TBATA: variants seen among roughly 807,000 people sequenced by gnomAD.
TBATA encodes the protein protein TBATA.
Under a neutral mutation model 38.7 loss-of-function variants are expected in TBATA, and 47 were observed. The observed-to-expected ratio is 1.21, with a 90% CI of 0.96 to 1.55. The LOEUF is 1.55. Among genes scored for constraint, TBATA ranks in the 40% most tolerant of loss-of-function variants. The pLI is 0.00. For synonymous variants in TBATA, 183 were observed against 170.5 expected, an observed-to-expected ratio of 1.07 and a Z score of -0.57; for missense variants, 436 against 435.6, an observed-to-expected ratio of 1.00 and a Z score of -0.01.
intron 2 of TBATA, among the ~76,000 whole-genome samples, chr10:70,784,417 C>T (rs902554465): frequency 2.6e-5 from 4 of 151,974 alleles, no homozygotes; most frequent in Non-Finnish European, 4.4e-5. Flanking sequence ...AATCTATGGA[C>T]CTGAATATAT....
At chr10:70,782,696 C>G (rs1844404833) in intron 3 of TBATA, 1 of 958,168 alleles carries the variant, frequency 1.0e-6, no homozygotes, top group African/African-American at 1.8e-5. Flanking sequence ...TGGGTCCTCT[C>G]TCCTCTACCC....
In TBATA at chr10:70,783,193, G is replaced by T. The variant is rs1844474231; in HGVS notation, c.41+146C>A. 6.7e-6 allele frequency: 6 copies of T among 890,508 alleles called. No individual in the cohort carries two copies. The East Asian group carries it at 1.1e-4, about 16-fold the overall frequency. 55.2% of individuals were successfully genotyped at this position (890,508 alleles called of 1,614,324 possible). ...CTTGAGCCTGAGGACCCATTGGGGG[G>T]TCTGGCTGACCGGCAGCAGAAGTCC... On this transcript the variant is annotated intron_variant, in intron 3 of 10. Coordinates refer to ENST00000456372, the MANE Select transcript of TBATA (RefSeq NM_001318241.2).
At chr10:70,779,413 G>A (rs150698898) in intron 5 of TBATA, among the ~76,000 whole-genome samples, 180 bp downstream of exon 5, 2 of 152,362 alleles carry the variant, frequency 1.3e-5, no homozygotes, top group East Asian at 3.9e-4. Context: ...GACTTGCTGG[G>A]TGGGGAGTAA....
In TBATA at chr10:70,779,715, A is replaced by G; in HGVS notation, c.305T>C (p.Val102Ala). 1 of 1,537,002 alleles carries G rather than the reference A, an allele frequency of 6.5e-7. No individual in the cohort carries two copies. Among genetic ancestry groups the G allele is most frequent in the Non-Finnish European group, 8.7e-7 (1 of 1,151,318 alleles). ...AGGCAAGGGGGCTGGAAAATCCCTGACGACACAGACAGGCTTCCCGGTGAG... is the reference window on the plus strand; with the variant it reads ...AGGCAAGGGGGCTGGAAAATCCCTGGCGACACAGACAGGCTTCCCGGTGAG... ...QDLTGKPVCV[V>A]RDFPAPLPES... The change falls in exon 5 of 11, where the codon GTC (valine) becomes GCC (alanine). Residue 102 changes from valine (V) to alanine (A), a missense_variant. By Grantham distance (64) the Val-to-Ala change is moderately conservative. Transcript: ENST00000456372.
At chr10:70,777,888 A>G in intron 6 of TBATA, 1 of 422,900 alleles carries the variant, frequency 2.4e-6, no homozygotes, top group Non-Finnish European at 4.7e-6. Flanking sequence ...AAGAAAACAG[A>G]GACCCAGACA....
chr10:70,783,701 G>A (rs1172700941), intron 2 of TBATA, among the ~76,000 whole-genome samples, 176 bp from the exon 3 acceptor site: 1 of 152,206 alleles, frequency 6.6e-6, no homozygotes, highest in African/African-American at 2.4e-5. Context: ...CAACCCAAAT[G>A]TCTGATGGCA....
intron 3 of TBATA, among the ~76,000 whole-genome samples, chr10:70,782,980 A>G (rs896698685): frequency 6.6e-6 from 1 of 152,220 alleles, no homozygotes; most frequent in African/African-American, 2.4e-5. Context: ...TTCGCCTCTA[A>G]GGGATCTGGG....
chr10:70,772,716 C>T (rs777149828), intron 9 of TBATA, 150 bp from the exon 10 acceptor site: 3 of 824,648 alleles, frequency 3.6e-6, no homozygotes, highest in South Asian at 1.5e-5. Flanking sequence ...TCCTGGAGGG[C>T]CAGAAAACAT....
At chr10:70,775,757 G>T (rs1256383312) in intron 7 of TBATA, among the ~76,000 whole-genome samples, 1 of 152,194 alleles carries the variant, frequency 6.6e-6, no homozygotes, top group Non-Finnish European at 1.5e-5. Flanking sequence ...TACCCTAAAA[G>T]TCCCAGAGTC....
At chr10:70,782,078 T>C (rs1167042644) in intron 3 of TBATA, 42 bp from the exon 4 acceptor site, 1 of 1,592,396 alleles carries the variant, frequency 6.3e-7, no homozygotes, top group Non-Finnish European at 8.6e-7. Flanking sequence ...GAGTCTCCTC[T>C]GGCAGTGGGC....
At chr10:70,782,244 T>A in intron 3 of TBATA, 1 of 1,425,346 alleles carries the variant, frequency 7.0e-7, no homozygotes, top group South Asian at 1.2e-5. Context: ...CTGGTTAGTC[T>A]TCCTTATCAG....
intron 9 of TBATA, 97 bp from the exon 10 acceptor site, chr10:70,772,663 G>T: frequency 7.8e-7 from 1 of 1,287,196 alleles, no homozygotes; most frequent in Non-Finnish European, 1.1e-6. Context: ...GGTGGTGCAG[G>T]TGCAGTCAGC....
At chr10:70,783,303 C>T (rs1844488237) in intron 3 of TBATA, 36 bp downstream of exon 3, 1 of 1,613,820 alleles carries the variant, frequency 6.2e-7, no homozygotes, top group Non-Finnish European at 8.5e-7. Flanking sequence ...ACCCCAAGCC[C>T]TCCTCAGTCA....
intron 4 of TBATA, among the ~76,000 whole-genome samples, chr10:70,780,026 G>A (rs1302951124): frequency 1.3e-5 from 2 of 152,200 alleles, no homozygotes; most frequent in African/African-American, 2.4e-5. Flanking sequence ...CCCTAGTCCT[G>A]GGGATCTTCC....
rs78222976 is a variant in TBATA at position 70,774,128 on chromosome 10, C to T, written c.920+85G>A. ...CTTAGTCAGCCCAGACCCTGGTCAG[C>T]GCCAGGCTCCCTTCTCCAGGTCCCA... On this transcript the variant is annotated intron_variant, in intron 9 of 10. Coordinates refer to ENST00000456372, the MANE Select transcript of TBATA (RefSeq NM_001318241.2). 689 of 1,542,842 alleles carry T rather than the reference C, an allele frequency of 4.5e-4. 2 individuals are homozygous for T. The African/African-American group carries it at 8.3e-3, about 19-fold the overall frequency.
intron 7 of TBATA, 141 bp downstream of exon 7, chr10:70,777,012 C>T: frequency 1.2e-6 from 1 of 831,796 alleles, no homozygotes; most frequent in Non-Finnish European, 1.8e-6. Context: ...ATAGCCCCTG[C>T]TGCTGACTCC....
At position 70,772,637 on chromosome 10, in the gene TBATA, A is replaced by G; in HGVS notation, c.921-71T>C. 1.9e-5 allele frequency: 29 copies of G among 1,523,736 alleles called. 1 individual carries two copies. The South Asian group carries it at 3.1e-4, about 16-fold the overall frequency. 94.4% of individuals were successfully genotyped at this position (1,523,736 alleles called of 1,614,324 possible). A position where few individuals can be genotyped will look rare whatever the true frequency, so the allele number is the denominator to read the frequency against. On this transcript the variant is annotated intron_variant, in intron 9 of 10. Transcript: ENST00000456372. ...CCTGACCCCACGGGTGGCAGGGGAG[A>G]CAGGGAGGTGGGGAAGGTGGTGCAG...
At chr10:70,778,488 G>C (rs1262027238) in intron 6 of TBATA, 69 bp downstream of exon 6, 1 of 1,474,082 alleles carries the variant, frequency 6.8e-7, no homozygotes, top group Non-Finnish European at 9.5e-7. Context: ...TGACTCGGGA[G>C]GGATCTCCTT....
Position 70,781,799 on chromosome 10 carries a change from A to C in TBATA, c.277+2T>G, listed in dbSNP as rs554525835. On this transcript the variant is annotated splice_donor_variant, in intron 4 of 10. Transcript: ENST00000456372. LOFTEE classifies it high-confidence loss of function. ...CTCCCACCCCAACCAGCCAGGCCCTACCTTGGATGTGGGTCACGTGCTGGG... is the reference window on the plus strand; with the variant it reads ...CTCCCACCCCAACCAGCCAGGCCCTCCCTTGGATGTGGGTCACGTGCTGGG... 6.2e-7 allele frequency: 1 copy of C among 1,613,422 alleles called. No individual in the cohort carries two copies. Among genetic ancestry groups the C allele is most frequent in the African/African-American group, 1.3e-5 (1 of 74,920 alleles).
Sources: allele counts gnomAD v4.1 joint callset (sites outside exome capture counted in the v4.1 genomes callset), GRCh38; gene constraint gnomAD v4.1.1; transcripts MANE v1.5; gene names NCBI Gene and HGNC (gene_info 2026-07-23, HGNC 2026-07-21).